ARHGAP39: variants seen among roughly 807,000 people sequenced by gnomAD.
ARHGAP39 encodes Rho GTPase activating protein 39.
In ARHGAP39, 44 loss-of-function variants were observed where a neutral mutation model predicts 106.9. That is an observed-to-expected ratio of 0.41 (90% CI 0.32 to 0.53). ARHGAP39 has a LOEUF of 0.53. Ranked by LOEUF, ARHGAP39 falls within the 20% of genes least tolerant of loss-of-function variation. The pLI, the probability that ARHGAP39 is intolerant of heterozygous loss-of-function variation, is 0.21. For synonymous variants in ARHGAP39, 768 were observed against 693.2 expected, an observed-to-expected ratio of 1.11 and a Z score of -1.69; for missense variants, 1,496 against 1,577.3, an observed-to-expected ratio of 0.95 and a Z score of 0.87.
chr8:144,595,917 C>T (rs116365626), intron 2 of ARHGAP39, among the ~76,000 whole-genome samples: 4,485 of 152,216 alleles, frequency 0.029, 191 homozygotes, highest in South Asian at 0.1. Flanking sequence ...AGATGTTGTC[C>T]TCTTTGCCAC....
rs113750611 is a variant in ARHGAP39, at chr8:144,647,505, C to T, written c.-82+38181G>A. 0.011 allele frequency among the ~76,000 whole-genome samples: 1,627 copies of T among 152,344 alleles called. 24 individuals carry two copies. The highest frequency in any genetic ancestry group is 0.037 in the African/African-American group (1,543 of 41,580). On this transcript the variant is annotated intron_variant, in intron 1 of 11. Transcript: ENST00000377307. The surrounding 1 kb of genome is among the most constrained non-coding windows in gnomAD (Gnocchi z 4.8). Reference sequence around the variant, plus strand: ...GGAAAGGCTATCGGCAGCCTGCAGCCGCCCACCCTGCTGCCCACACTGCCC... The same window carrying T: ...GGAAAGGCTATCGGCAGCCTGCAGCTGCCCACCCTGCTGCCCACACTGCCC...
rs1261891105 is a variant in ARHGAP39, at chr8:144,545,646, G to A, written c.2124C>T (p.Gly708=). The part of the protein sequence containing the change: ...ASKHFNKHTQ[G]LFRRKVSIAN... ...CGATGGACACCTTCCGCCGGAAGAG[G>A]CCCTGCGTGTGCTTGTTGAAGTGCT... The change falls in exon 6 of 12, where the codon GGC becomes GGT. Residue 708 remains glycine, a synonymous_variant. Transcript: ENST00000377307. 5 of 1,613,662 alleles carry A rather than the reference G, an allele frequency of 3.1e-6. No individual in the cohort carries two copies. In the South Asian group the frequency reaches 5.5e-5, roughly 18 times the overall value.
At chr8:144,697,483 A>C in the ARHGAP39 span, among the ~76,000 whole-genome samples, 1 of 152,044 alleles carries the variant, frequency 6.6e-6, no homozygotes, top group Non-Finnish European at 1.5e-5. Context: ...CAATGTTATT[A>C]TTTAGCATAT....
intron 3 of ARHGAP39, among the ~76,000 whole-genome samples, chr8:144,565,568 A>G (rs1354032889): frequency 2.6e-5 from 4 of 151,888 alleles, no homozygotes; most frequent in African/African-American, 9.7e-5. Flanking sequence ...AGGTGTCTGT[A>G]GTCCCAGCCA....
At chr8:144,639,226 T>C (rs1214061892) in intron 1 of ARHGAP39, among the ~76,000 whole-genome samples, 1 of 150,528 alleles carries the variant, frequency 6.6e-6, no homozygotes, top group African/African-American at 2.5e-5. Context: ...CTTGGGAGGC[T>C]GAGGCAGGAG....
intron 2 of ARHGAP39, among the ~76,000 whole-genome samples, chr8:144,600,708 G>A (rs1449913864): frequency 2.0e-5 from 3 of 147,770 alleles, no homozygotes; most frequent in African/African-American, 7.6e-5. Context: ...ACGTGCGTGT[G>A]CACTTGTGTA....
intron 3 of ARHGAP39, among the ~76,000 whole-genome samples, chr8:144,562,697 GACTCCAGTGGTTTCCATCGGACTC>G (rs1564849753): frequency 3.0e-5 from 4 of 132,368 alleles, no homozygotes; most frequent in Non-Finnish European, 6.2e-5. Flanking sequence ...GTTTCCATCG[GACTCCAGTGGTTTCCATCGGACTC>G]ACTCCAGTGG....
At chr8:144,689,955 CA>C (rs894768448), upstream of ARHGAP39, among the ~76,000 whole-genome samples, 1 of 151,528 alleles carries the variant, frequency 6.6e-6, no homozygotes, top group Non-Finnish European at 1.5e-5. Flanking sequence ...CCACGTTGGC[CA>C]GTCTGGTCTC....
chr8:144,615,890 G>A (rs1019963771), intron 1 of ARHGAP39, among the ~76,000 whole-genome samples: 2 of 152,220 alleles, frequency 1.3e-5, no homozygotes, highest in African/African-American at 4.8e-5. Flanking sequence ...CAGCAGCTGT[G>A]CTCACCAAAG....
chr8:144,597,671 T>C (rs1362118088), intron 2 of ARHGAP39, among the ~76,000 whole-genome samples: 1 of 152,048 alleles, frequency 6.6e-6, no homozygotes, highest in East Asian at 1.9e-4. Context: ...TCTGATCAAA[T>C]GGGAAAGGCA....
rs541311869 is a variant in ARHGAP39 at position 144,544,389 on chromosome 8, T to C, written c.2521+860A>G. ...AGCAAGGCCCTGACCAGGGGCTCAA[T>C]CTCTGCAGAGGCAAAGGCCAGACCA... On this transcript the variant is annotated intron_variant, in intron 6 of 11. Transcript: ENST00000377307. Among the ~76,000 whole-genome samples the C allele has an allele frequency of 2.0e-5, 3 of 152,290 alleles. No homozygotes were observed. In the East Asian group the frequency reaches 5.8e-4, roughly 29 times the overall value.
intron 1 of ARHGAP39, among the ~76,000 whole-genome samples, chr8:144,673,908 G>A (rs1369530540): frequency 3.9e-5 from 6 of 152,224 alleles, no homozygotes; most frequent in African/African-American, 7.2e-5. Context: ...AGCTCTGTGC[G>A]AGGCTGCGGC....
chr8:144,575,585 A>C (rs577970081), intron 3 of ARHGAP39, among the ~76,000 whole-genome samples: 1 of 152,254 alleles, frequency 6.6e-6, no homozygotes, highest in African/African-American at 2.4e-5. Context: ...GGGAGAAAGC[A>C]ACACACGTGG....
At chr8:144,605,020 G>C (rs202170139) in intron 2 of ARHGAP39, among the ~76,000 whole-genome samples, 1 of 152,184 alleles carries the variant, frequency 6.6e-6, no homozygotes, top group African/African-American at 2.4e-5. Context: ...CTGGCACTTT[G>C]GGAGGCCTCG....
chr8:144,598,979 A>G lies in ARHGAP39; in HGVS notation c.80+6556T>C, dbSNP rs1819737329. Among the ~76,000 whole-genome samples, 2 of 152,232 alleles carry G rather than the reference A, an allele frequency of 1.3e-5. 1 individual carries two copies. The highest frequency in any genetic ancestry group is 4.1e-4 in the South Asian group (2 of 4,834). ...CATGCAATTCACAAAGTGAACAGTAATACACGGAGGGTAACTACTTCAGTG... is the reference window on the plus strand; with the variant it reads ...CATGCAATTCACAAAGTGAACAGTAGTACACGGAGGGTAACTACTTCAGTG... On this transcript the variant is annotated intron_variant, in intron 2 of 11. Coordinates refer to ENST00000377307, the MANE Select transcript of ARHGAP39 (RefSeq NM_025251.3).
intron 1 of ARHGAP39, among the ~76,000 whole-genome samples, chr8:144,638,999 T>G (rs1479009495): frequency 6.6e-6 from 1 of 152,170 alleles, no homozygotes; most frequent in Non-Finnish European, 1.5e-5. Flanking sequence ...TCTGCCACCC[T>G]TACCTGGAAG....
intron 1 of ARHGAP39, among the ~76,000 whole-genome samples, chr8:144,642,952 G>T (rs1184803568): frequency 1.3e-5 from 2 of 151,972 alleles, no homozygotes; most frequent in Admixed American, 1.3e-4. Context: ...GATTGAGGCT[G>T]CCGTGAGCCG....
chr8:144,603,301 C>CTGTG (rs376743469), intron 2 of ARHGAP39, among the ~76,000 whole-genome samples: 1 of 150,648 alleles, frequency 6.6e-6, no homozygotes, highest in African/African-American at 2.4e-5. Context: ...GCTCGTGTAT[C>CTGTG]TGTGTGTGTG....
chr8:144,554,843 GC>G (rs1188763169), intron 4 of ARHGAP39, among the ~76,000 whole-genome samples: 1 of 152,224 alleles, frequency 6.6e-6, no homozygotes, highest in Non-Finnish European at 1.5e-5. Flanking sequence ...CCACTTCCAA[GC>G]TCCAGCTGTT....
Sources: gnomAD v4.1 joint callset for allele counts (sites outside exome capture counted in the v4.1 genomes callset) on GRCh38, gnomAD v4.1.1 for gene constraint, Gnocchi (gnomAD v3.1) non-coding constraint, MANE v1.5 for transcripts, NCBI Gene and HGNC (gene_info 2026-07-23, HGNC 2026-07-21) for gene names.